The following DOP1B variants were observed in gnomAD, a reference collection of about 807,000 sequenced individuals.
DOP1B encodes the protein DOP1 leucine zipper like protein B, also known as protein DOP1B.
Under a neutral mutation model 233.5 loss-of-function variants are expected in DOP1B, and 174 were observed. The ratio of observed to expected loss-of-function variants is 0.75; its 90% confidence interval spans 0.66 to 0.85. DOP1B has a LOEUF of 0.85. Among genes scored for constraint, DOP1B ranks in the 40% least tolerant of loss-of-function variants. DOP1B has a pLI of 0.00. For missense variants in DOP1B, 2,652 were observed against 2,846.6 expected (o/e 0.93, Z 1.56); for synonymous variants, 1,190 against 1,185.6 (o/e 1.00, Z -0.08).
At position 36,246,070 on chromosome 21, in the gene DOP1B, A is replaced by G; in HGVS notation, c.4090A>G (p.Lys1364Glu). 1.2e-6 allele frequency: 2 copies of G among 1,614,062 alleles called. No homozygotes were observed. Residue 1364 changes from lysine to glutamate, a missense_variant, in exon 19 of 37, where the codon AAG becomes GAG. By Grantham distance (56) the Lys-to-Glu change is moderately conservative. Coordinates refer to ENST00000691173, the MANE Select transcript of DOP1B (RefSeq NM_001320714.2). The surrounding 1 kb of genome is among the most constrained non-coding windows in gnomAD (Gnocchi z 5.1). ...RIMMQLVSVA[K>E]SSEGKNVEFI... is the part of the protein sequence containing the mutation. The stretch of plus-strand genomic sequence containing the variant: ...AATGATGCAGCTGGTCTCAGTGGCC[A>G]AGTCTTCGGAAGGGAAGAACGTGGA...
intron 17 of DOP1B, 80 bp downstream of exon 17, chr21:36,238,781 G>A (rs1379396985): frequency 1.5e-6 from 2 of 1,347,018 alleles, no homozygotes; most frequent in African/African-American, 1.4e-5. Flanking sequence ...GTGGGGCTGG[G>A]GAGGGAGAGG....
chr21:36,171,487 G>A (rs990605327), intron 2 of DOP1B, among the ~76,000 whole-genome samples: 9 of 152,160 alleles, frequency 5.9e-5, no homozygotes, highest in Admixed American at 5.9e-4. Context: ...GAGGTCATTA[G>A]GGGGTGGCCC....
intron 2 of DOP1B, among the ~76,000 whole-genome samples, chr21:36,184,579 C>A (rs1295071404): frequency 6.6e-6 from 1 of 152,160 alleles, no homozygotes; most frequent in Admixed American, 6.6e-5. Flanking sequence ...ATTCCAGGGA[C>A]AGGGAAGCAG....
intron 1 of DOP1B, 23 bp from the exon 2 acceptor site, chr21:36,164,685 G>A (rs2123388684): frequency 6.6e-7 from 1 of 1,511,274 alleles, no homozygotes; most frequent in Non-Finnish European, 8.9e-7. Context: ...CTCTCATTTG[G>A]TTATTTTTTG....
rs893672823 is a variant in DOP1B, at chr21:36,227,631, G to A, written c.1474-55G>A. 2.8e-6 allele frequency: 4 copies of A among 1,406,564 alleles called. No homozygotes were observed. The African/African-American group carries it at 4.3e-5, about 15-fold the overall frequency. The allele number at this position is 1,406,564 out of a possible 1,614,324, so 87.1% of individuals were successfully genotyped here. On this transcript the variant is annotated intron_variant, in intron 12 of 36. Coordinates refer to ENST00000691173, the MANE Select transcript of DOP1B (RefSeq NM_001320714.2). ...ATTAGATGCCATTTTGAGATGCATTGTTTTTCTGATTGTGAACCAACATTG... is the reference window on the plus strand; with the variant it reads ...ATTAGATGCCATTTTGAGATGCATTATTTTTCTGATTGTGAACCAACATTG...
At chr21:36,164,652 A>G (rs900218171) in intron 1 of DOP1B, 56 bp from the exon 2 acceptor site, 3 of 1,396,334 alleles carry the variant, frequency 2.1e-6, no homozygotes, top group African/African-American at 3.0e-5. Context: ...TGGGTTGGGA[A>G]TGATTTGTAT....
intron 2 of DOP1B, among the ~76,000 whole-genome samples, chr21:36,176,097 C>CGTGTGTGTGTGTGTGTGTGTGTGT (rs1555886143): frequency 0.019 from 2,660 of 141,776 alleles, 40 homozygotes; most frequent in Non-Finnish European, 0.023. Flanking sequence ...GGTGTGTGTG[C>CGTGTGTGTGTGTGTGTGTGTGTGT]GTGTGTGTGT....
intron 4 of DOP1B, among the ~76,000 whole-genome samples, chr21:36,203,992 G>T (rs1236822989): frequency 1.3e-5 from 2 of 152,096 alleles, no homozygotes; most frequent in Non-Finnish European, 2.9e-5. Flanking sequence ...ATGAGGAGAG[G>T]TGAATGTTTT....
intron 2 of DOP1B, among the ~76,000 whole-genome samples, chr21:36,198,538 T>G (rs1004199169): frequency 6.6e-6 from 1 of 152,118 alleles, no homozygotes; most frequent in Non-Finnish European, 1.5e-5. Flanking sequence ...CTGTTCACAC[T>G]CTCGACCTTG....
chr21:36,204,578 G>C lies in DOP1B; in HGVS notation c.491+4077G>C, dbSNP rs564333511. On this transcript the variant is annotated intron_variant, in intron 4 of 36. Coordinates refer to ENST00000691173, the MANE Select transcript of DOP1B (RefSeq NM_001320714.2). ...AGCTCACTGCAGTCTCAACCTCCAA[G>C]GATAAAACGATCCTCCGGCCTCAGC... 2.8e-4 allele frequency among the ~76,000 whole-genome samples: 43 copies of C among 151,922 alleles called. No individual in the cohort carries two copies. The South Asian group carries it at 3.5e-3, about 12-fold the overall frequency.
intron 24 of DOP1B, chr21:36,261,482 G>C (rs892490394): frequency 1.0e-6 from 1 of 985,386 alleles, no homozygotes; most frequent in African/African-American, 1.7e-5. Flanking sequence ...ATATGTATTA[G>C]GTGTCTCAGC....
intron 18 of DOP1B, among the ~76,000 whole-genome samples, 156 bp downstream of exon 18, chr21:36,240,111 A>G (rs2066876415): frequency 6.6e-6 from 1 of 152,176 alleles, no homozygotes; most frequent in South Asian, 2.1e-4. Context: ...TTAAGGACCT[A>G]GTGATCTAGC....
intron 18 of DOP1B, among the ~76,000 whole-genome samples, 183 bp downstream of exon 18, chr21:36,240,138 G>C (rs577580959): frequency 1.3e-5 from 2 of 152,136 alleles, no homozygotes; most frequent in African/African-American, 4.8e-5. Flanking sequence ...AACTATTAGG[G>C]AGTGGGTTTG....
intron 23 of DOP1B, among the ~76,000 whole-genome samples, chr21:36,256,865 A>G (rs2067103755): frequency 6.6e-6 from 1 of 152,190 alleles, no homozygotes; most frequent in Non-Finnish European, 1.5e-5. Flanking sequence ...CCAGCAAGCA[A>G]GCAATTGATT....
intron 4 of DOP1B, 95 bp from the exon 5 acceptor site, chr21:36,208,620 C>A (rs751144781): frequency 7.4e-7 from 1 of 1,350,126 alleles, no homozygotes; most frequent in Non-Finnish European, 1.0e-6. Context: ...CAGGCGAATC[C>A]GCTGTGGTTC....
rs143213201 is a variant in DOP1B, at chr21:36,237,906, G to A, written c.2775+492G>A. Among the ~76,000 whole-genome samples the A allele has an allele frequency of 6.1e-3, 925 of 152,262 alleles. 13 individuals carry two copies. Among genetic ancestry groups the A allele is most frequent in the African/African-American group, 0.022 (896 of 41,556 alleles). On this transcript the variant is annotated intron_variant, in intron 16 of 36. Coordinates refer to ENST00000691173, the MANE Select transcript of DOP1B (RefSeq NM_001320714.2). ...AATAAGGCCAGGTGCAGTGACTCAC[G>A]CCTGTAATTCCAGCACTTTGGGAGG... is the stretch of plus-strand genomic sequence containing the variant.
intron 4 of DOP1B, among the ~76,000 whole-genome samples, chr21:36,207,608 G>A (rs1473628658): frequency 6.7e-6 from 1 of 150,094 alleles, no homozygotes; most frequent in Non-Finnish European, 1.5e-5. Context: ...GTGCACAGAT[G>A]TTAAACTGGT....
At chr21:36,179,264 A>G (rs368348350) in intron 2 of DOP1B, among the ~76,000 whole-genome samples, 351 of 152,338 alleles carry the variant, frequency 2.3e-3, no homozygotes, top group African/African-American at 8.1e-3. Context: ...TTTTTTAAGA[A>G]GCTGCCAAAC....
chr21:36,240,682 G>A (rs1234502479), intron 18 of DOP1B, among the ~76,000 whole-genome samples: 2 of 151,964 alleles, frequency 1.3e-5, no homozygotes, highest in East Asian at 1.9e-4. Flanking sequence ...AAGAATATAG[G>A]TAGAAATTAG....
Sources: allele counts gnomAD v4.1 joint callset (sites outside exome capture counted in the v4.1 genomes callset), GRCh38; gene constraint gnomAD v4.1.1; non-coding constraint Gnocchi (gnomAD v3.1); transcripts MANE v1.5; gene names NCBI Gene and HGNC (gene_info 2026-07-23, HGNC 2026-07-21).